ADAM17: variants seen among roughly 807,000 people sequenced by gnomAD.
ADAM17 encodes the protein disintegrin and metalloproteinase domain-containing protein 17.
A neutral mutation model predicts 96.7 loss-of-function variants in ADAM17; 39 were observed. The observed-to-expected ratio is 0.40, with a 90% CI of 0.31 to 0.53. ADAM17 has a LOEUF of 0.53. ADAM17 is among the 20% of genes least tolerant of loss of function. The pLI is 0.44. For missense variants in ADAM17, 777 were observed against 1,013.2 expected, an observed-to-expected ratio of 0.77 and a Z score of 3.17; for synonymous variants, 344 against 359.2, an observed-to-expected ratio of 0.96 and a Z score of 0.48.
chr2:9,534,673 T>C (rs925332622), intron 4 of ADAM17, among the ~76,000 whole-genome samples: 5 of 151,974 alleles, frequency 3.3e-5, no homozygotes, highest in Non-Finnish European at 7.4e-5. Context: ...CAGGAAAAAA[T>C]AGTGGGTATA....
At chr2:9,554,046 G>C (rs1264262783) in intron 1 of ADAM17, among the ~76,000 whole-genome samples, 1 of 152,044 alleles carries the variant, frequency 6.6e-6, no homozygotes, top group Non-Finnish European at 1.5e-5. Context: ...CTGGGCAACA[G>C]AGCAAGACTC....
chr2:9,497,332 C>A, intron 13 of ADAM17, 84 bp from the exon 14 acceptor site: 1 of 1,553,812 alleles, frequency 6.4e-7, no homozygotes, highest in Non-Finnish European at 8.7e-7. Flanking sequence ...GTTTCTCATA[C>A]AAGTGAGCAT....
At chr2:9,520,383 G>C (rs1664256265) in intron 8 of ADAM17, among the ~76,000 whole-genome samples, 2 of 152,172 alleles carry the variant, frequency 1.3e-5, no homozygotes, top group Admixed American at 1.3e-4. Flanking sequence ...AAATGATTAA[G>C]TTAGCCATCT....
chr2:9,547,111 C>G (rs1558527246), intron 1 of ADAM17, among the ~76,000 whole-genome samples: 2 of 152,206 alleles, frequency 1.3e-5, no homozygotes, highest in African/African-American at 2.4e-5. Context: ...ATTTTGTTAT[C>G]TTTTTTGTCA....
chr2:9,516,598 C>G (rs145092594), intron 10 of ADAM17, among the ~76,000 whole-genome samples: 1,951 of 151,898 alleles, frequency 0.013, 17 homozygotes, highest in Non-Finnish European at 0.019. Flanking sequence ...AACAAAAATA[C>G]AAAAATTAGC....
chr2:9,494,089 T>A (rs975326649), intron 15 of ADAM17, among the ~76,000 whole-genome samples: 5 of 152,180 alleles, frequency 3.3e-5, no homozygotes, highest in Admixed American at 2.6e-4. Flanking sequence ...TTGCTAAAGA[T>A]GAGGCATTCC....
chr2:9,492,876 TACTTAAAAGTTGATG>T lies in ADAM17; in HGVS notation c.2082+7_2082+21del. On this transcript the variant is annotated splice_region_variant and intron_variant, in intron 17 of 18. Transcript: ENST00000310823. ...TCAAAATTTAAATAAAACATTTAAT[TACTTAAAAGTTGATG>T]ACTTACCACACAATGGACAAGAATG... The T allele has an allele frequency of 6.3e-7, 1 of 1,575,702 alleles. No individual in the cohort carries two copies. Among genetic ancestry groups the T allele is most frequent in the Non-Finnish European group, 8.7e-7 (1 of 1,155,958 alleles).
chr2:9,488,514 G>T lies in ADAM17; in HGVS notation c.*1663C>A. Reference sequence around the variant, plus strand: ...TGTTTCGACAGTATTTATTAATGCAGATATCAGTGCTACAGCTATAAAATA... The same window carrying T: ...TGTTTCGACAGTATTTATTAATGCATATATCAGTGCTACAGCTATAAAATA... On this transcript the variant is annotated 3_prime_UTR_variant, in exon 19 of 19. Transcript: ENST00000310823. The T allele has an allele frequency of 2.1e-6, 1 of 480,388 alleles. No homozygotes were observed. Among genetic ancestry groups the T allele is most frequent in the Non-Finnish European group, 3.6e-6 (1 of 275,432 alleles). The allele number at this position is 480,388 out of a possible 1,614,324, so 29.8% of individuals were successfully genotyped here.
intron 6 of ADAM17, among the ~76,000 whole-genome samples, chr2:9,524,241 C>T (rs2125024339): frequency 6.6e-6 from 1 of 152,222 alleles, no homozygotes; most frequent in African/African-American, 2.4e-5. Flanking sequence ...GTGGCTCATG[C>T]CTGTAATCCC....
intron 10 of ADAM17, among the ~76,000 whole-genome samples, chr2:9,512,000 A>T (rs1025599241): frequency 3.1e-4 from 41 of 131,378 alleles, no homozygotes; most frequent in African/African-American, 1.0e-3. Flanking sequence ...AAATAAAATA[A>T]ATATATATAC....
At chr2:9,517,827 C>A in intron 10 of ADAM17, 74 bp downstream of exon 10, 2 of 978,284 alleles carry the variant, frequency 2.0e-6, no homozygotes, top group Non-Finnish European at 1.4e-6. Context: ...TAAAAAAATA[C>A]CTACATAAAT....
intron 13 of ADAM17, among the ~76,000 whole-genome samples, chr2:9,499,833 A>G (rs1447873819): frequency 1.3e-5 from 2 of 152,240 alleles, no homozygotes; most frequent in Non-Finnish European, 2.9e-5. Context: ...TTCATTCACT[A>G]GGTCCCTGAA....
At chr2:9,539,252 C>T (rs1027514502) in intron 2 of ADAM17, among the ~76,000 whole-genome samples, 2 of 151,956 alleles carry the variant, frequency 1.3e-5, no homozygotes, top group African/African-American at 4.8e-5. Context: ...GGACTACAGG[C>T]GCCTGCTACC....
intron 1 of ADAM17, among the ~76,000 whole-genome samples, chr2:9,545,325 T>G (rs983350473): frequency 2.2e-4 from 33 of 152,290 alleles, no homozygotes; most frequent in African/African-American, 7.5e-4. Flanking sequence ...TCCCAGCACT[T>G]GGAGAGGCAG....
intron 8 of ADAM17, among the ~76,000 whole-genome samples, chr2:9,518,633 A>G (rs1017827104): frequency 1.1e-4 from 16 of 152,180 alleles, no homozygotes; most frequent in African/African-American, 3.9e-4. Flanking sequence ...CAAGTATTTC[A>G]AGGATTCAAT....
chr2:9,501,369 A>G (rs1662993961), intron 13 of ADAM17, among the ~76,000 whole-genome samples: 2 of 152,194 alleles, frequency 1.3e-5, no homozygotes, highest in African/African-American at 4.8e-5. Flanking sequence ...CAGGCAACCT[A>G]GCAGTGGTGC....
At chr2:9,547,633 G>C (rs1357549814) in intron 1 of ADAM17, among the ~76,000 whole-genome samples, 2 of 152,198 alleles carry the variant, frequency 1.3e-5, no homozygotes, top group Non-Finnish European at 2.9e-5. Flanking sequence ...CTACAGTGCA[G>C]AGCAGTACAG....
At chr2:9,496,106 CTTTTA>C (rs1662574371) in intron 14 of ADAM17, among the ~76,000 whole-genome samples, 1 of 151,844 alleles carries the variant, frequency 6.6e-6, no homozygotes, top group African/African-American at 2.4e-5. Flanking sequence ...GGTTCTTTGT[CTTTTA>C]TTTATTTTAT....
chr2:9,488,910 A>G lies in ADAM17; in HGVS notation c.*1267T>C, dbSNP rs996877487. ...GTGAGCACATTTCAGTTCTTAGGGG[A>G]AAAAAAGCTTTTAATGGCAATTTAT... On this transcript the variant is annotated 3_prime_UTR_variant, in exon 19 of 19. Coordinates refer to ENST00000310823, the MANE Select transcript of ADAM17 (RefSeq NM_003183.6). 6 of 152,196 alleles carry G rather than the reference A, an allele frequency of 3.9e-5. No homozygotes were observed. The highest frequency in any genetic ancestry group is 6.5e-5 in the Admixed American group (1 of 15,280). The allele number at this position is 152,196 out of a possible 1,614,324, so 9.4% of individuals were successfully genotyped here. A position where few individuals can be genotyped will look rare whatever the true frequency, so the allele number is the denominator to read the frequency against.
Sources: allele counts gnomAD v4.1 joint callset (sites outside exome capture counted in the v4.1 genomes callset), GRCh38; gene constraint gnomAD v4.1.1; transcripts MANE v1.5; gene names NCBI Gene and HGNC (gene_info 2026-07-23, HGNC 2026-07-21).